SLC14A2: variants seen among roughly 807,000 people sequenced by gnomAD.
SLC14A2 encodes the protein urea transporter 2.
A neutral mutation model predicts 104.6 loss-of-function variants in SLC14A2; 91 were observed. The ratio of observed to expected loss-of-function variants is 0.87; its 90% CI spans 0.73 to 1.04. SLC14A2 has a LOEUF of 1.04. Among genes scored for constraint, SLC14A2 ranks in the 50% least tolerant of loss-of-function variants. The probability of loss-of-function intolerance (pLI) is 0.00; values close to 1 mark genes in which losing one functional copy is unlikely to be tolerated. For missense variants in SLC14A2, 1,189 were observed against 1,156.0 expected, an observed-to-expected ratio of 1.03 and a Z score of -0.41; for synonymous variants, 476 against 466.4, an observed-to-expected ratio of 1.02 and a Z score of -0.27.
chr18:45,541,673 A>G (rs1238404044), intron 2 of SLC14A2, among the ~76,000 whole-genome samples: 3 of 152,242 alleles, frequency 2.0e-5, no homozygotes, highest in Non-Finnish European at 4.4e-5. Flanking sequence ...TGCCTGCTGG[A>G]CATTAGACAT....
At chr18:45,327,246 TA>T (rs1424473919) in intron 1 of SLC14A2, among the ~76,000 whole-genome samples, 1 of 134,382 alleles carries the variant, frequency 7.4e-6, no homozygotes, top group Admixed American at 7.1e-5. Flanking sequence ...GTAATTAGTA[TA>T]TTTTTTTTAC....
At chr18:45,267,925 T>C (rs2084609093) in intron 1 of SLC14A2, among the ~76,000 whole-genome samples, 1 of 152,176 alleles carries the variant, frequency 6.6e-6, no homozygotes, top group African/African-American at 2.4e-5. Context: ...GATGTGCCTG[T>C]TTTGTGTTCT....
intron 2 of SLC14A2, among the ~76,000 whole-genome samples, chr18:45,608,187 G>A (rs1336567547): frequency 6.6e-6 from 1 of 152,244 alleles, no homozygotes. Flanking sequence ...ATGTGCTACA[G>A]AGAAATCGGT....
chr18:45,668,620 C>A, intron 15 of SLC14A2, 143 bp downstream of exon 15: 1 of 853,950 alleles, frequency 1.2e-6, no homozygotes. Context: ...GGACTAATAA[C>A]TAAGTTTATA....
intron 1 of SLC14A2, among the ~76,000 whole-genome samples, chr18:45,378,879 G>A (rs573388670): frequency 1.3e-5 from 2 of 152,210 alleles, no homozygotes; most frequent in Admixed American, 1.3e-4. Flanking sequence ...CCGAAGTGCT[G>A]GGATTACAGG....
chr18:45,476,002 G>T (rs928531510), intron 1 of SLC14A2, among the ~76,000 whole-genome samples: 3 of 152,068 alleles, frequency 2.0e-5, no homozygotes, highest in African/African-American at 7.2e-5. Context: ...ATCGTTATGT[G>T]TGAATTTGAT....
upstream of SLC14A2, among the ~76,000 whole-genome samples, chr18:45,210,257 T>C (rs763963950): frequency 6.6e-6 from 1 of 152,158 alleles, no homozygotes; most frequent in Non-Finnish European, 1.5e-5. Flanking sequence ...AAATGGAACT[T>C]TACTGAAAGA....
intron 1 of SLC14A2, among the ~76,000 whole-genome samples, chr18:45,393,010 A>G (rs919994773): frequency 1.3e-5 from 2 of 152,210 alleles, no homozygotes; most frequent in African/African-American, 4.8e-5. Flanking sequence ...CTTTATGCCT[A>G]TGATCACAAC....
intron 1 of SLC14A2, among the ~76,000 whole-genome samples, chr18:45,307,080 C>T (rs1029005427): frequency 1.2e-4 from 18 of 152,258 alleles, no homozygotes; most frequent in Admixed American, 3.9e-4. Context: ...GAACCTCCAT[C>T]TTCTTGAGGG....
intron 2 of SLC14A2, among the ~76,000 whole-genome samples, chr18:45,575,365 C>G (rs1234763693): frequency 2.0e-5 from 3 of 152,170 alleles, no homozygotes; most frequent in African/African-American, 4.8e-5. Context: ...ATCAAAGCTG[C>G]CAGCCTGGGC....
At chr18:45,377,571 A>T (rs911069234) in intron 1 of SLC14A2, among the ~76,000 whole-genome samples, 7 of 151,736 alleles carry the variant, frequency 4.6e-5, no homozygotes, top group African/African-American at 1.7e-4. Context: ...CTCCTTTTCT[A>T]ATCACACTTA....
chr18:45,604,900 AC>A (rs2044844076), intron 2 of SLC14A2, among the ~76,000 whole-genome samples: 1 of 152,164 alleles, frequency 6.6e-6, no homozygotes, highest in Admixed American at 6.6e-5. Context: ...TGATGAGCTC[AC>A]AATCAGAACA....
At chr18:45,651,772 A>G (rs1449749670) in intron 10 of SLC14A2, among the ~76,000 whole-genome samples, 1 of 152,230 alleles carries the variant, frequency 6.6e-6, no homozygotes, top group East Asian at 1.9e-4. Flanking sequence ...AGGTAAGAAC[A>G]TGAAGACCAT....
chr18:45,296,273 C>G (rs1351894108), intron 1 of SLC14A2, among the ~76,000 whole-genome samples: 1 of 152,090 alleles, frequency 6.6e-6, no homozygotes, highest in African/African-American at 2.4e-5. Flanking sequence ...ATTCCTGTGC[C>G]GGGTCCTGGC....
At chr18:45,576,790 C>G (rs1048496846) in intron 2 of SLC14A2, among the ~76,000 whole-genome samples, 10 of 152,138 alleles carry the variant, frequency 6.6e-5, no homozygotes, top group African/African-American at 2.4e-4. Context: ...ATTGCAAGGA[C>G]AGTTTGTTAT....
chr18:45,431,931 C>T (rs535134025), intron 1 of SLC14A2, among the ~76,000 whole-genome samples: 1 of 152,212 alleles, frequency 6.6e-6, no homozygotes, highest in Admixed American at 6.5e-5. Flanking sequence ...TCTTGTGCTT[C>T]CAACAGTCTC....
At chr18:45,670,118 CA>C (rs2046104752) in intron 16 of SLC14A2, among the ~76,000 whole-genome samples, 1 of 152,132 alleles carries the variant, frequency 6.6e-6, no homozygotes, top group African/African-American at 2.4e-5. Flanking sequence ...ATCTCCAAAA[CA>C]AAAACAAAAA....
intron 1 of SLC14A2, among the ~76,000 whole-genome samples, chr18:45,449,994 A>G (rs548440986): frequency 1.3e-5 from 2 of 152,344 alleles, no homozygotes; most frequent in African/African-American, 4.8e-5. Context: ...CCCAGCTGGC[A>G]TCGGTCCCAT....
At chr18:45,582,660 G>A (rs762712098) in intron 2 of SLC14A2, among the ~76,000 whole-genome samples, 4 of 152,112 alleles carry the variant, frequency 2.6e-5, no homozygotes, top group Non-Finnish European at 4.4e-5. Context: ...ATGTTCCTGG[G>A]TCACACAGAG....
Sources: gnomAD v4.1 joint callset for allele counts (sites outside exome capture counted in the v4.1 genomes callset) on GRCh38, gnomAD v4.1.1 for gene constraint, MANE v1.5 for transcripts, NCBI Gene and HGNC (gene_info 2026-07-23, HGNC 2026-07-21) for gene names.